PDZD7: variants seen among roughly 807,000 people sequenced by gnomAD.
PDZD7 encodes PDZ domain containing 7, also known as PDZ domain-containing protein 7.
PDZD7 carries 72 observed loss-of-function variants against 84.7 expected under a neutral mutation model. The ratio of observed to expected loss-of-function variants is 0.85; its 90% CI spans 0.70 to 1.03. The LOEUF (loss-of-function observed/expected upper bound fraction) is 1.03. Among genes scored for constraint, PDZD7 ranks in the 50% least tolerant of loss-of-function variants. The pLI is 0.00. For synonymous variants in PDZD7, 594 were observed against 580.7 expected (o/e 1.02, Z -0.33); for missense variants, 1,490 against 1,412.9 (o/e 1.05, Z -0.87).
rs372398190 is a variant in PDZD7, at chr10:101,030,209, C to G, written c.11G>C (p.Gly4Ala). 1 of 1,609,016 alleles carries G rather than the reference C, an allele frequency of 6.2e-7. No individual in the cohort carries two copies. Among genetic ancestry groups the G allele is most frequent in the African/African-American group, 1.3e-5 (1 of 74,930 alleles). MAQ[G>A]FAVGFDPLGL... ...CAGTGGGTCGAAGCCCACTGCGAAACCCTGCGCCATGGCGGCTGGGCTAGG... is the reference window on the plus strand; with the variant it reads ...CAGTGGGTCGAAGCCCACTGCGAAAGCCTGCGCCATGGCGGCTGGGCTAGG... Residue 4 changes from glycine (G) to alanine (A), a missense_variant, in exon 2 of 17, where the codon GGT (glycine) becomes GCT (alanine). Gly to Ala is a moderately conservative substitution (Grantham distance 60). Transcript: ENST00000619208.
At chr10:101,011,073 A>G in intron 14 of PDZD7, 190 bp from the exon 15 acceptor site, 1 of 1,255,408 alleles carries the variant, frequency 8.0e-7, no homozygotes, top group Non-Finnish European at 1.1e-6. Context: ...TTGAGATGGA[A>G]TCTCACTCTG....
chr10:101,023,443 T>C lies in PDZD7; in HGVS notation c.535A>G (p.Thr179Ala). ...GAGGGAGTTGCTGCTCACCACGTGG[T>C]CTTCTCCTTGGAGAACTTGATGCCC... is the stretch of plus-strand genomic sequence containing the variant. ...VPGIKFSKEK[T>A]TWVDVVNRRL... The change falls in exon 4 of 17, where the codon ACC becomes GCC. Residue 179 changes from threonine to alanine, a missense_variant. Physicochemically the swap from Thr to Ala is moderately conservative, Grantham distance 58 (BLOSUM62 0). Coordinates refer to ENST00000619208, the MANE Select transcript of PDZD7 (RefSeq NM_001195263.2). 6.2e-7 allele frequency: 1 copy of C among 1,614,006 alleles called. No individual in the cohort carries two copies. The highest frequency in any genetic ancestry group is 1.7e-4 in the Middle Eastern group (1 of 6,044).
chr10:101,017,425 CT>C (rs1852679771), intron 9 of PDZD7: 2 of 460,234 alleles, frequency 4.3e-6, no homozygotes, highest in Non-Finnish European at 7.7e-6. Flanking sequence ...CAGGGTCTTG[CT>C]ATGTTGCCCA....
chr10:101,013,898 G>A (rs562781232), intron 11 of PDZD7, among the ~76,000 whole-genome samples: 1 of 142,392 alleles, frequency 7.0e-6, no homozygotes, highest in East Asian at 2.1e-4. Context: ...TTCTCAGGTT[G>A]GAGTGCAATG....
Position 101,012,194 on chromosome 10 carries a change from T to C in PDZD7, c.1814A>G (p.Glu605Gly). The change falls in exon 12 of 17, where the codon GAG (glutamate) becomes GGG (glycine). Residue 605 changes from glutamate to glycine, a missense_variant. Physicochemically the swap from Glu to Gly is moderately conservative, Grantham distance 98. Coordinates refer to ENST00000619208, the MANE Select transcript of PDZD7 (RefSeq NM_001195263.2). The stretch of plus-strand genomic sequence containing the variant: ...GATGTCCTGCAGCAGTAGCAGCTTC[T>C]CCGGCCTGTCGAGGATGGCCAGCAG... ...RPLLAILDRPEKLLLLQDIRS... is the reference protein window; with the variant it reads ...RPLLAILDRPGKLLLLQDIRS... 2.6e-6 allele frequency: 4 copies of C among 1,550,464 alleles called. No individual in the cohort carries two copies. The highest frequency in any genetic ancestry group is 3.5e-6 in the Non-Finnish European group (4 of 1,146,974).
intron 2 of PDZD7, 69 bp from the exon 3 acceptor site, chr10:101,024,137 A>C: frequency 1.2e-6 from 2 of 1,611,490 alleles, no homozygotes; most frequent in Non-Finnish European, 1.7e-6. Context: ...GGGTTCCCCA[A>C]CTTGGGGCCT....
At chr10:101,017,896 G>GAAAAGA in intron 9 of PDZD7, 1 of 389,794 alleles carries the variant, frequency 2.6e-6, no homozygotes, top group East Asian at 4.4e-5. Flanking sequence ...AGAAAGAAAA[G>GAAAAGA]AAAGAAAGAA....
rs1290893207 is a variant in PDZD7, at chr10:101,023,604, G to A, written c.374C>T (p.Ala125Val). ...KVEEGSSAER[A>V]GLCVGDKITE... ...GATCTTGTCCCCCACGCACAGGCCA[G>A]CCCGCTCTGCACCACAGGATGGGAG... Residue 125 changes from alanine (A) to valine (V), a missense_variant, in exon 4 of 17, where the codon GCT (alanine) becomes GTT (valine). Ala to Val is a moderately conservative substitution (Grantham distance 64). Transcript: ENST00000619208. 2 of 1,611,752 alleles carry A rather than the reference G, an allele frequency of 1.2e-6. No homozygotes were observed. Among genetic ancestry groups the A allele is most frequent in the Non-Finnish European group, 1.7e-6 (2 of 1,180,008 alleles).
At chr10:101,022,798 G>GT (rs1853192760) in intron 4 of PDZD7, among the ~76,000 whole-genome samples, 1 of 151,896 alleles carries the variant, frequency 6.6e-6, no homozygotes, top group South Asian at 2.1e-4. Flanking sequence ...TTGAGATGGA[G>GT]TTTCACTCCT....
intron 9 of PDZD7, chr10:101,017,394 CTT>C (rs61058141): frequency 1.2e-4 from 47 of 379,994 alleles, no homozygotes; most frequent in East Asian, 3.8e-4. Context: ...TTTTCTTTTA[CTT>C]TTTTTTTTTC....
intron 9 of PDZD7, chr10:101,017,793 AAAAAAGAAAG>A (rs1294428877): frequency 4.1e-6 from 2 of 488,828 alleles, no homozygotes; most frequent in East Asian, 7.1e-5. Context: ...TCTCAAAAAA[AAAAAAGAAAG>A]AAAAAGAAAG....
chr10:101,013,184 C>T lies in PDZD7; in HGVS notation c.1750-926G>A, dbSNP rs78695729. 2.9e-3 allele frequency among the ~76,000 whole-genome samples: 442 copies of T among 152,346 alleles called. 2 individuals are homozygous for T. The highest frequency in any genetic ancestry group is 0.01 in the African/African-American group (422 of 41,564). ...ACACAGTTACAGCGACTCACACATA[C>T]ACATATCAATAATACATTCCCTTTT... On this transcript the variant is annotated intron_variant, in intron 11 of 16. Transcript: ENST00000619208.
intron 14 of PDZD7, chr10:101,011,187 G>A (rs1852383483): frequency 2.9e-6 from 2 of 682,866 alleles, no homozygotes; most frequent in East Asian, 4.1e-5. Context: ...GATTACAGGC[G>A]TGCACCAAAA....
Position 101,015,519 on chromosome 10 carries a change from C to A in PDZD7, c.1749+117G>T, listed in dbSNP as rs149878795. 174 of 1,238,786 alleles carry A rather than the reference C, an allele frequency of 1.4e-4. No homozygotes were observed. The African/African-American group carries it at 2.0e-3, about 14-fold the overall frequency. The allele number at this position is 1,238,786 out of a possible 1,614,324, so 76.7% of individuals were successfully genotyped here. On this transcript the variant is annotated intron_variant, in intron 11 of 16. Transcript: ENST00000619208. ...CAGGAGTGACTTCTGATTTTACTGA[C>A]CACTAGCCTCCTGGTGTCAAGCCCA...
chr10:101,009,277 C>T lies in PDZD7; in HGVS notation c.2691G>A (p.Gly897=), dbSNP rs552903376. The T allele has an allele frequency of 7.2e-6, 11 of 1,535,906 alleles. No individual in the cohort carries two copies. The highest frequency in any genetic ancestry group is 5.9e-5 in the South Asian group (5 of 84,066). The change falls in exon 16 of 17, where the codon GGG becomes GGA. Residue 897 remains glycine, a synonymous_variant. Coordinates refer to ENST00000619208, the MANE Select transcript of PDZD7 (RefSeq NM_001195263.2). ...GCAGGGCCCCACTGAGGAAAGCGGC[C>T]CCCCCAGGGAAGATCTTCTCTATCT... ...MVKIEKIFPG[G]AAFLSGALQA... is the part of the protein sequence containing the mutation.
chr10:101,017,994 G>A, intron 9 of PDZD7, 105 bp downstream of exon 9: 1 of 1,368,254 alleles, frequency 7.3e-7, no homozygotes, highest in South Asian at 1.2e-5. Flanking sequence ...GGTTGAGTAG[G>A]GACTCAGCTG....
At position 101,019,066 on chromosome 10, in the gene PDZD7, G is replaced by T; in HGVS notation, c.1080C>A (p.Gly360=). ...CLGQEEPGSR[G]PGWGRADTAM... is the part of the protein sequence containing the mutation. ...CTGTGTCCGCCCGCCCCCAGCCTGG[G>T]CCGCGGCTGCCGGGCTCCTCCTGCC... The change falls in exon 8 of 17, where the codon GGC becomes GGA. Residue 360 remains glycine, a synonymous_variant. Transcript: ENST00000619208. 6.4e-7 allele frequency: 1 copy of T among 1,573,482 alleles called. No individual in the cohort carries two copies. The highest frequency in any genetic ancestry group is 8.6e-7 in the Non-Finnish European group (1 of 1,165,990).
chr10:101,020,476 G>A lies in PDZD7; in HGVS notation c.928+142C>T, dbSNP rs558667890. On this transcript the variant is annotated intron_variant, in intron 7 of 16. Coordinates refer to ENST00000619208, the MANE Select transcript of PDZD7 (RefSeq NM_001195263.2). ...TGGTCTTGAACTCCTGTACTCAAGC[G>A]ATCCTCCCACCTCAGCCTCCCAAAA... 77 of 762,422 alleles carry A rather than the reference G, an allele frequency of 1.0e-4. No individual in the cohort carries two copies. The East Asian group carries it at 1.4e-3, about 14-fold the overall frequency. 47.2% of individuals were successfully genotyped at this position (762,422 alleles called of 1,614,324 possible).
intron 4 of PDZD7, chr10:101,023,070 CTTTT>C (rs1161602421): frequency 3.0e-3 from 381 of 127,446 alleles, no homozygotes; most frequent in South Asian, 3.8e-3. Context: ...CCATGCCCGG[CTTTT>C]TTTTTTTTTT....
Sources: allele counts gnomAD v4.1 joint callset (sites outside exome capture counted in the v4.1 genomes callset), GRCh38; gene constraint gnomAD v4.1.1; transcripts MANE v1.5; gene names NCBI Gene and HGNC (gene_info 2026-07-23, HGNC 2026-07-21).